The following PIP5K1B variants were observed in gnomAD, a reference collection of about 807,000 sequenced individuals.
PIP5K1B encodes phosphatidylinositol 4-phosphate 5-kinase type-1 beta.
PIP5K1B carries 42 observed loss-of-function variants against 67.0 expected under a neutral mutation model. The ratio of observed to expected loss-of-function variants is 0.63; its 90% CI spans 0.49 to 0.81. The LOEUF (loss-of-function observed/expected upper bound fraction) is 0.81. Among genes scored for constraint, PIP5K1B ranks in the 30% least tolerant of loss-of-function variants. The probability of loss-of-function intolerance (pLI) is 0.00; values close to 1 mark genes in which losing one functional copy is unlikely to be tolerated. For missense variants in PIP5K1B, 459 were observed against 646.3 expected (o/e 0.71, Z 3.14); for synonymous variants, 214 against 231.4 (o/e 0.92, Z 0.68).
At chr9:68,917,465 A>G (rs1826157815) in intron 8 of PIP5K1B, 83 bp from the exon 9 acceptor site, 3 of 946,582 alleles carry the variant, frequency 3.2e-6, no homozygotes, top group South Asian at 2.8e-5. Context: ...GTGTGTCTGT[A>G]TATCTAGAGC....
chr9:68,780,941 G>C (rs201520212), intron 2 of PIP5K1B: 96 of 1,613,948 alleles, frequency 5.9e-5, no homozygotes, highest in Non-Finnish European at 7.8e-5. Context: ...ACTCACCAGC[G>C]AAAGTCAGCA....
rs1048682884 is a variant in PIP5K1B, at chr9:68,899,168, C to T, written c.771+4530C>T. Reference sequence around the variant, plus strand: ...AAAGGTTTTGGTTTTTTTATGCATGCCTCACTCTGCTGGACCGTTCTTCCC... The same window carrying T: ...AAAGGTTTTGGTTTTTTTATGCATGTCTCACTCTGCTGGACCGTTCTTCCC... On this transcript the variant is annotated intron_variant, in intron 8 of 15. Transcript: ENST00000265382. Among the ~76,000 whole-genome samples, 5 of 152,144 alleles carry T rather than the reference C, an allele frequency of 3.3e-5. No individual in the cohort carries two copies. In the South Asian group the frequency reaches 1.0e-3, roughly 31 times the overall value.
chr9:68,783,566 T>C (rs1831427012), intron 2 of PIP5K1B: 1 of 166,954 alleles, frequency 6.0e-6, no homozygotes, highest in Non-Finnish European at 1.5e-5. Flanking sequence ...GTTACTGGCA[T>C]TTCCATGTAT....
intron 1 of PIP5K1B, among the ~76,000 whole-genome samples, chr9:68,740,842 G>C (rs1469165734): frequency 2.0e-5 from 3 of 152,216 alleles, no homozygotes; most frequent in South Asian, 4.1e-4. Flanking sequence ...CAAGATCTGA[G>C]CTCAAGCCAT....
intron 2 of PIP5K1B, among the ~76,000 whole-genome samples, chr9:68,768,566 T>C (rs1830541599): frequency 6.6e-6 from 1 of 152,246 alleles, no homozygotes; most frequent in African/African-American, 2.4e-5. Flanking sequence ...CAGCTTGTCC[T>C]CAGAGCCTAA....
At chr9:68,706,914 G>C (rs1030811652) in intron 1 of PIP5K1B, among the ~76,000 whole-genome samples, 5 of 152,208 alleles carry the variant, frequency 3.3e-5, no homozygotes, top group Admixed American at 6.5e-5. Flanking sequence ...AAAGGCGAAA[G>C]GATTGGTTTC....
chr9:68,994,110 G>A (rs969560256), intron 15 of PIP5K1B, among the ~76,000 whole-genome samples: 6 of 136,278 alleles, frequency 4.4e-5, no homozygotes, highest in African/African-American at 1.1e-4. Flanking sequence ...GCGCGATCTC[G>A]ACTCACTGCA....
intron 1 of PIP5K1B, 25 bp downstream of exon 1, chr9:68,705,787 C>T (rs915163685): frequency 6.6e-6 from 1 of 152,352 alleles, no homozygotes; most frequent in African/African-American, 2.4e-5. Context: ...CGTCCCCGGC[C>T]CCTTCCCACT....
At chr9:68,845,237 A>G (rs1368804955) in intron 4 of PIP5K1B, among the ~76,000 whole-genome samples, 1 of 152,168 alleles carries the variant, frequency 6.6e-6, no homozygotes, top group African/African-American at 2.4e-5. Context: ...GGTGATCCCA[A>G]ATGTCTGTCC....
At chr9:68,776,650 T>A (rs1053725566) in intron 2 of PIP5K1B, among the ~76,000 whole-genome samples, 2 of 151,856 alleles carry the variant, frequency 1.3e-5, no homozygotes, top group African/African-American at 2.4e-5. Context: ...TAATATTTTT[T>A]AAAATATAAG....
chr9:68,861,786 G>A (rs540518372), intron 4 of PIP5K1B, among the ~76,000 whole-genome samples: 9 of 152,090 alleles, frequency 5.9e-5, no homozygotes, highest in Middle Eastern at 3.2e-3. Flanking sequence ...ATCCATTTCA[G>A]CCTTTAAAAG....
At chr9:68,971,628 C>G (rs549400356) in intron 14 of PIP5K1B, among the ~76,000 whole-genome samples, 50 of 152,326 alleles carry the variant, frequency 3.3e-4, no homozygotes, top group African/African-American at 9.9e-4. Context: ...AAAAGCATTC[C>G]TATTTCTCCA....
chr9:68,882,688 A>T (rs530303450), intron 6 of PIP5K1B, among the ~76,000 whole-genome samples: 3 of 152,314 alleles, frequency 2.0e-5, no homozygotes, highest in Non-Finnish European at 4.4e-5. Context: ...CACAACATAA[A>T]CTCCTACCCA....
intron 4 of PIP5K1B, among the ~76,000 whole-genome samples, chr9:68,862,251 G>A (rs1011619694): frequency 1.3e-5 from 2 of 152,162 alleles, no homozygotes; most frequent in Non-Finnish European, 2.9e-5. Context: ...GAAGTGGTGT[G>A]GAGAGGTTGT....
intron 8 of PIP5K1B, among the ~76,000 whole-genome samples, chr9:68,906,421 GA>G (rs1825613642): frequency 6.6e-6 from 1 of 152,164 alleles, no homozygotes; most frequent in Admixed American, 6.5e-5. Context: ...TCCGTGGGGG[GA>G]ATGTCTCCCT....
At chr9:68,821,635 T>C (rs1833735825) in intron 3 of PIP5K1B, among the ~76,000 whole-genome samples, 1 of 152,252 alleles carries the variant, frequency 6.6e-6, no homozygotes, top group African/African-American at 2.4e-5. Flanking sequence ...TGAATGAGTA[T>C]ACTCTTCTGG....
chr9:68,820,026 C>T (rs889738657), intron 3 of PIP5K1B, among the ~76,000 whole-genome samples: 7 of 152,194 alleles, frequency 4.6e-5, no homozygotes, highest in African/African-American at 1.2e-4. Flanking sequence ...TCTCATCCTC[C>T]GTCCTTCATT....
chr9:68,756,443 A>G (rs1829928617), intron 2 of PIP5K1B, among the ~76,000 whole-genome samples: 1 of 152,242 alleles, frequency 6.6e-6, no homozygotes, highest in South Asian at 2.1e-4. Context: ...TTGTTTTACA[A>G]GGTCATCTGT....
intron 2 of PIP5K1B, among the ~76,000 whole-genome samples, chr9:68,800,243 T>C (rs183726677): frequency 1.1e-3 from 174 of 152,300 alleles, no homozygotes; most frequent in African/African-American, 4.1e-3. Flanking sequence ...ACACACAGCA[T>C]GTGGTATGTG....
Sources: allele counts gnomAD v4.1 joint callset (sites outside exome capture counted in the v4.1 genomes callset), GRCh38; gene constraint gnomAD v4.1.1; transcripts MANE v1.5; gene names NCBI Gene and HGNC (gene_info 2026-07-23, HGNC 2026-07-21).